RBM27: variants seen among roughly 807,000 people sequenced by gnomAD.
The protein encoded by RBM27 is RNA binding motif protein 27.
RBM27 carries 22 observed loss-of-function variants against 135.3 expected under a neutral mutation model. The observed-to-expected ratio is 0.16, with a 90% CI of 0.12 to 0.23. The LOEUF is 0.23. Among genes scored for constraint, RBM27 ranks in the 10% least tolerant of loss-of-function variants. The pLI is 1.00. For synonymous variants in RBM27, 481 were observed against 442.4 expected, an observed-to-expected ratio of 1.09 and a Z score of -1.10; for missense variants, 1,009 against 1,281.0, an observed-to-expected ratio of 0.79 and a Z score of 3.24.
chr5:146,263,693 C>T (rs1758491760), intron 14 of RBM27, 62 bp downstream of exon 14: 2 of 1,560,220 alleles, frequency 1.3e-6, no homozygotes, highest in African/African-American at 2.7e-5. Context: ...CAGAATAAAT[C>T]AGTTATCATT....
chr5:146,231,061 A>T, intron 6 of RBM27, 144 bp downstream of exon 6: 2 of 1,051,248 alleles, frequency 1.9e-6, no homozygotes, highest in Non-Finnish European at 1.3e-6. Flanking sequence ...TTGCTCTGTC[A>T]CCCAGGATGG....
At chr5:146,218,017 C>T (rs978075099) in intron 1 of RBM27, among the ~76,000 whole-genome samples, 47 of 152,266 alleles carry the variant, frequency 3.1e-4, no homozygotes, top group Admixed American at 1.4e-3. Context: ...CTCAGCCTCT[C>T]AGGATGTTGG....
chr5:146,214,702 G>A (rs1421199203), intron 1 of RBM27, among the ~76,000 whole-genome samples: 1 of 152,164 alleles, frequency 6.6e-6, no homozygotes, highest in South Asian at 2.1e-4. Context: ...TATTCAATTA[G>A]TCTATTATTT....
intron 14 of RBM27, among the ~76,000 whole-genome samples, chr5:146,264,944 A>G (rs1036258868): frequency 1.2e-4 from 19 of 152,178 alleles, no homozygotes; most frequent in Admixed American, 6.5e-5. Flanking sequence ...TAAAAATTAT[A>G]TCATAAACCA....
At chr5:146,253,723 A>C (rs1012858026) in intron 9 of RBM27, among the ~76,000 whole-genome samples, 11 of 152,162 alleles carry the variant, frequency 7.2e-5, no homozygotes, top group African/African-American at 2.7e-4. Context: ...TTAGCTTGTG[A>C]ATCTGAAGTT....
chr5:146,234,813 C>T (rs140587093), intron 7 of RBM27, among the ~76,000 whole-genome samples: 5 of 152,044 alleles, frequency 3.3e-5, no homozygotes, highest in African/African-American at 1.2e-4. Flanking sequence ...GTGGGTGGAT[C>T]ACTTGAACTC....
At chr5:146,240,447 T>C (rs995435657) in intron 8 of RBM27, among the ~76,000 whole-genome samples, 1 of 151,966 alleles carries the variant, frequency 6.6e-6, no homozygotes, top group Non-Finnish European at 1.5e-5. Context: ...GTGCCTCAGC[T>C]TCCCAAGTAG....
chr5:146,269,399 CT>C lies in RBM27; in HGVS notation c.2527-16del. On this transcript the variant is annotated intron_variant, in intron 16 of 20. Transcript: ENST00000265271. ...TAAAGTTTATTAAGCATGGTTTTACCTTTTTCTATTTATTTCGTAGATGTTA... is the reference window on the plus strand; with the variant it reads ...TAAAGTTTATTAAGCATGGTTTTACCTTTTCTATTTATTTCGTAGATGTTA... 1 of 1,519,954 alleles carries C rather than the reference CT, an allele frequency of 6.6e-7. No individual in the cohort carries two copies. The highest frequency in any genetic ancestry group is 8.8e-7 in the Non-Finnish European group (1 of 1,131,326). 94.2% of individuals were successfully genotyped at this position (1,519,954 alleles called of 1,614,324 possible). A position where few individuals can be genotyped will look rare whatever the true frequency, so the allele number is the denominator to read the frequency against.
Position 146,233,607 on chromosome 5 carries a change from GCCAGGTCCAGGCCCAGGCCCGGGC to G in RBM27, c.1044_1067del (p.Pro351_Gly358del). On this transcript the variant is annotated inframe_deletion, in exon 7 of 21. Transcript: ENST00000265271. Reference sequence around the variant, plus strand: ...CTCCTGGAATGTTAATGCCTCCAATGCCAGGTCCAGGCCCAGGCCCGGGCCCAGGTCCAGGCCCAGGCCCGGGCC... The same window carrying G: ...CTCCTGGAATGTTAATGCCTCCAATGCCAGGTCCAGGCCCAGGCCCGGGCC... 1.7e-3 allele frequency: 2,800 copies of G among 1,607,722 alleles called. 5 individuals carry two copies. Among genetic ancestry groups the G allele is most frequent in the Middle Eastern group, 3.6e-3 (22 of 6,046 alleles).
At chr5:146,268,341 C>G (rs1175797246) in intron 15 of RBM27, among the ~76,000 whole-genome samples, 1 of 151,262 alleles carries the variant, frequency 6.6e-6, no homozygotes, top group Non-Finnish European at 1.5e-5. Flanking sequence ...CTCCTGGGTT[C>G]AAGCGATTCT....
chr5:146,239,636 C>T (rs1208323443), intron 8 of RBM27, among the ~76,000 whole-genome samples: 8 of 151,782 alleles, frequency 5.3e-5, no homozygotes. Flanking sequence ...TATCACTATA[C>T]CCAGCTAATC....
chr5:146,269,692 A>T, intron 17 of RBM27, 108 bp downstream of exon 17: 2 of 487,774 alleles, frequency 4.1e-6, no homozygotes, highest in East Asian at 4.9e-5. Context: ...CCTAACAGGG[A>T]TATAGGCAAA....
chr5:146,258,065 C>T (rs551634103), intron 10 of RBM27, among the ~76,000 whole-genome samples: 12 of 152,044 alleles, frequency 7.9e-5, no homozygotes, highest in East Asian at 1.9e-4. Context: ...GTGATCCGCC[C>T]GCCTCGGCCT....
intron 14 of RBM27, among the ~76,000 whole-genome samples, chr5:146,266,242 C>G (rs1215183363): frequency 6.6e-6 from 1 of 152,208 alleles, no homozygotes; most frequent in Non-Finnish European, 1.5e-5. Context: ...AGAGGGACAT[C>G]TTCAAGGGTA....
chr5:146,232,129 C>T (rs1339560094), intron 6 of RBM27, among the ~76,000 whole-genome samples: 1 of 152,182 alleles, frequency 6.6e-6, no homozygotes, highest in Non-Finnish European at 1.5e-5. Flanking sequence ...TAGGCACCAA[C>T]CCATGGGGAA....
Position 146,263,586 on chromosome 5 carries a change from A to T in RBM27, c.2286A>T (p.Ala762=). The change falls in exon 14 of 21, where the codon GCA becomes GCT. Residue 762 remains alanine (A), a synonymous_variant. Coordinates refer to ENST00000265271, the MANE Select transcript of RBM27 (RefSeq NM_018989.2). The stretch of plus-strand genomic sequence containing the variant: ...ATGCAGGTGGTAACCAGAGTGATGC[A>T]TCACATTTGTTGAATCAGTCTGGTG... The part of the protein sequence containing the change: ...LGHAGGNQSD[A]SHLLNQSGGA... 1 of 1,614,200 alleles carries T rather than the reference A, an allele frequency of 6.2e-7. No individual in the cohort carries two copies. The highest frequency in any genetic ancestry group is 8.5e-7 in the Non-Finnish European group (1 of 1,180,026).
chr5:146,204,611 T>TG (rs1164701637), intron 1 of RBM27, among the ~76,000 whole-genome samples: 1 of 152,152 alleles, frequency 6.6e-6, no homozygotes, highest in East Asian at 1.9e-4. Flanking sequence ...CATTAATTGG[T>TG]GGAGGAGTAT....
At chr5:146,224,691 A>G (rs1267913889) in intron 3 of RBM27, among the ~76,000 whole-genome samples, 1 of 152,114 alleles carries the variant, frequency 6.6e-6, no homozygotes, top group Non-Finnish European at 1.5e-5. Flanking sequence ...TCAGAAAGAA[A>G]AAAAAAAATT....
At chr5:146,268,076 A>G (rs1366149062) in intron 15 of RBM27, among the ~76,000 whole-genome samples, 1 of 151,996 alleles carries the variant, frequency 6.6e-6, no homozygotes, top group Non-Finnish European at 1.5e-5. Flanking sequence ...TATTATCTAT[A>G]TGATTCAGTT....
Sources: allele counts gnomAD v4.1 joint callset (sites outside exome capture counted in the v4.1 genomes callset), GRCh38; gene constraint gnomAD v4.1.1; transcripts MANE v1.5; gene names NCBI Gene and HGNC (gene_info 2026-07-23, HGNC 2026-07-21).